The following KHDRBS2 variants were observed in gnomAD, a reference collection of about 807,000 sequenced individuals.
KHDRBS2 encodes KH domain-containing, RNA-binding, signal transduction-associated protein 2.
Under a neutral mutation model 44.3 loss-of-function variants are expected in KHDRBS2, and 26 were observed. The ratio of observed to expected loss-of-function variants is 0.59; its 90% CI spans 0.43 to 0.81. KHDRBS2 has a LOEUF of 0.81. Among genes scored for constraint, KHDRBS2 ranks in the 40% least tolerant of loss-of-function variants. The pLI is 0.00. For missense variants in KHDRBS2, 476 were observed against 433.1 expected, an observed-to-expected ratio of 1.10 and a Z score of -0.88; for synonymous variants, 194 against 151.1, an observed-to-expected ratio of 1.28 and a Z score of -2.08.
intron 8 of KHDRBS2, among the ~76,000 whole-genome samples, chr6:61,693,938 A>T (rs926921968): frequency 3.3e-5 from 5 of 152,160 alleles, no homozygotes; most frequent in Non-Finnish European, 5.9e-5. Context: ...CAATAGCATT[A>T]CGTGGCATTG....
chr6:62,053,106 TTAAA>T (rs1352825955), intron 2 of KHDRBS2, among the ~76,000 whole-genome samples: 1 of 152,006 alleles, frequency 6.6e-6, no homozygotes, highest in Non-Finnish European at 1.5e-5. Context: ...GTTGTATACC[TTAAA>T]TATATACAAT....
the KHDRBS2 span, among the ~76,000 whole-genome samples, chr6:61,583,514 T>C: frequency 2.6e-5 from 4 of 151,698 alleles, no homozygotes; most frequent in African/African-American, 9.7e-5. Flanking sequence ...ACATCATTGT[T>C]AAAGTTATTT....
intron 1 of KHDRBS2, among the ~76,000 whole-genome samples, chr6:62,264,181 T>C (rs551883082): frequency 2.0e-5 from 3 of 151,936 alleles, no homozygotes; most frequent in South Asian, 4.1e-4. Context: ...TCAGCAAATA[T>C]AGGAAATGAT....
Position 61,859,754 on chromosome 6 carries a change from T to C in KHDRBS2, c.810+34881A>G, listed in dbSNP as rs528885000. 1.6e-3 allele frequency among the ~76,000 whole-genome samples: 239 copies of C among 152,118 alleles called. 8 individuals carry two copies. The South Asian group carries it at 0.046, about 29-fold the overall frequency. The stretch of plus-strand genomic sequence containing the variant: ...GCGTATCAAAATGACAGAAGTGATA[T>C]ATGTATATTTAACATATGTATATAA... On this transcript the variant is annotated intron_variant, in intron 6 of 8. Coordinates refer to ENST00000281156, the MANE Select transcript of KHDRBS2 (RefSeq NM_152688.4).
At chr6:62,161,873 A>C (rs1333630250) in intron 2 of KHDRBS2, among the ~76,000 whole-genome samples, 1 of 152,080 alleles carries the variant, frequency 6.6e-6, no homozygotes, top group African/African-American at 2.4e-5. Flanking sequence ...AATTTATACC[A>C]ACTTAATTTC....
chr6:61,882,686 T>C (rs1428979445), intron 6 of KHDRBS2, among the ~76,000 whole-genome samples: 9 of 152,038 alleles, frequency 5.9e-5, no homozygotes, highest in African/African-American at 2.2e-4. Context: ...GATCATAAGA[T>C]ATTATAGAAA....
At chr6:61,928,118 A>G (rs16900669) in intron 4 of KHDRBS2, among the ~76,000 whole-genome samples, 10,621 of 152,170 alleles carry the variant, frequency 0.07, 430 homozygotes, top group Middle Eastern at 0.14. Context: ...ACCTTATTAT[A>G]TAAAATGCTG....
intron 6 of KHDRBS2, among the ~76,000 whole-genome samples, chr6:61,859,638 A>G (rs1157805811): frequency 6.6e-6 from 1 of 151,966 alleles, no homozygotes. Context: ...CCAGGTCTCA[A>G]TGGAGTTCCA....
intron 1 of KHDRBS2, among the ~76,000 whole-genome samples, chr6:62,182,834 A>G (rs1360864461): frequency 6.6e-6 from 1 of 151,854 alleles, no homozygotes; most frequent in Non-Finnish European, 1.5e-5. Flanking sequence ...ATAGTTTAGT[A>G]TAGTCTATAA....
At chr6:61,671,880 G>C in the KHDRBS2 span, among the ~76,000 whole-genome samples, 1 of 151,332 alleles carries the variant, frequency 6.6e-6, no homozygotes, top group African/African-American at 2.4e-5. Flanking sequence ...AAGTTTTAGG[G>C]TACATGTGCA....
intron 3 of KHDRBS2, among the ~76,000 whole-genome samples, chr6:61,978,612 T>C (rs1264674128): frequency 1.3e-5 from 2 of 152,040 alleles, no homozygotes; most frequent in African/African-American, 4.8e-5. Context: ...CTGTGTTCTT[T>C]AAGAAAACTA....
intron 2 of KHDRBS2, among the ~76,000 whole-genome samples, chr6:62,103,172 C>G (rs1233888290): frequency 6.6e-6 from 1 of 152,168 alleles, no homozygotes; most frequent in Admixed American, 6.5e-5. Flanking sequence ...CCAGAACTTG[C>G]AGCCCAGCTT....
At chr6:62,133,166 G>C (rs1343069359) in intron 2 of KHDRBS2, among the ~76,000 whole-genome samples, 1 of 152,102 alleles carries the variant, frequency 6.6e-6, no homozygotes, top group Non-Finnish European at 1.5e-5. Context: ...TAGATTTTTA[G>C]TGGGAATGTA....
At chr6:61,955,095 T>C (rs1191653332) in intron 4 of KHDRBS2, among the ~76,000 whole-genome samples, 2 of 124,110 alleles carry the variant, frequency 1.6e-5, no homozygotes, top group Admixed American at 8.0e-5. Context: ...TGCATACATA[T>C]ATGTATATAT....
At chr6:62,229,056 G>A (rs781207724) in intron 1 of KHDRBS2, among the ~76,000 whole-genome samples, 9 of 152,126 alleles carry the variant, frequency 5.9e-5, no homozygotes, top group Non-Finnish European at 8.8e-5. Context: ...TTCGTTTCGG[G>A]GGGAAACACA....
chr6:61,892,857 C>G (rs1188923065), intron 6 of KHDRBS2, among the ~76,000 whole-genome samples: 1 of 152,122 alleles, frequency 6.6e-6, no homozygotes, highest in African/African-American at 2.4e-5. Flanking sequence ...GACTTCATGT[C>G]TAAAACACCA....
At chr6:62,159,072 G>A (rs1413660301) in intron 2 of KHDRBS2, among the ~76,000 whole-genome samples, 1 of 151,726 alleles carries the variant, frequency 6.6e-6, no homozygotes, top group Non-Finnish European at 1.5e-5. Flanking sequence ...TGAATTAATT[G>A]GAATTAATAT....
At chr6:61,565,900 T>C in the KHDRBS2 span, among the ~76,000 whole-genome samples, 1 of 149,164 alleles carries the variant, frequency 6.7e-6, no homozygotes, top group Non-Finnish European at 1.5e-5. Context: ...ATTGAAGAGA[T>C]ATCTACACTC....
chr6:62,165,220 G>T (rs1443777211), intron 2 of KHDRBS2, among the ~76,000 whole-genome samples: 2 of 150,878 alleles, frequency 1.3e-5, no homozygotes, highest in Admixed American at 6.6e-5. Flanking sequence ...AAATAAAATT[G>T]CCCATAACTC....
Sources: allele counts gnomAD v4.1 joint callset (sites outside exome capture counted in the v4.1 genomes callset), GRCh38; gene constraint gnomAD v4.1.1; transcripts MANE v1.5; gene names NCBI Gene and HGNC (gene_info 2026-07-23, HGNC 2026-07-21).